ARHGAP31: variants seen among roughly 807,000 people sequenced by gnomAD.
ARHGAP31 encodes rho GTPase-activating protein 31.
In ARHGAP31, 34 loss-of-function variants were observed where a neutral mutation model predicts 113.9. The ratio of observed to expected loss-of-function variants is 0.30; its 90% CI spans 0.23 to 0.40. The LOEUF is 0.40. Among genes scored for constraint, ARHGAP31 ranks in the 10% least tolerant of loss-of-function variants. ARHGAP31 has a pLI of 1.00. For missense variants in ARHGAP31, 1,548 were observed against 1,767.1 expected (o/e 0.88, Z 2.22); for synonymous variants, 650 against 684.8 (o/e 0.95, Z 0.79).
intron 7 of ARHGAP31, 108 bp downstream of exon 7, chr3:119,391,091 C>T (rs527324393): frequency 2.2e-5 from 28 of 1,261,008 alleles, no homozygotes; most frequent in Non-Finnish European, 2.7e-5. Flanking sequence ...TTGGAGGTAC[C>T]GTCTGGGTTG....
intron 1 of ARHGAP31, among the ~76,000 whole-genome samples, chr3:119,338,103 TA>T (rs1272774336): frequency 6.6e-6 from 1 of 152,252 alleles, no homozygotes; most frequent in African/African-American, 2.4e-5. Context: ...AGTATATTAG[TA>T]CACTTTTATT....
intron 1 of ARHGAP31, among the ~76,000 whole-genome samples, chr3:119,309,509 C>T (rs1450467856): frequency 2.0e-5 from 3 of 151,936 alleles, no homozygotes; most frequent in African/African-American, 4.8e-5. Context: ...AATTCCAGCA[C>T]TTTGGGAGGT....
At chr3:119,382,056 G>A (rs893259771) in intron 4 of ARHGAP31, among the ~76,000 whole-genome samples, 3 of 150,586 alleles carry the variant, frequency 2.0e-5, no homozygotes, top group African/African-American at 7.3e-5. Context: ...GTCTCTGACT[G>A]GTGCTCCAGG....
At chr3:119,411,467 C>T (rs2080716084) in intron 11 of ARHGAP31, among the ~76,000 whole-genome samples, 1 of 152,156 alleles carries the variant, frequency 6.6e-6, no homozygotes, top group Admixed American at 6.5e-5. Context: ...ACGTCAAAGG[C>T]ACCTCATAGG....
At chr3:119,328,709 T>C (rs144935639) in intron 1 of ARHGAP31, among the ~76,000 whole-genome samples, 8,769 of 152,098 alleles carry the variant, frequency 0.058, 278 homozygotes, top group Middle Eastern at 0.071. Flanking sequence ...GGCGCGATCT[T>C]GGCTCACTGC....
At chr3:119,333,229 G>C (rs75277852) in intron 1 of ARHGAP31, among the ~76,000 whole-genome samples, 2,633 of 152,184 alleles carry the variant, frequency 0.017, 33 homozygotes, top group East Asian at 0.058. Context: ...CTTCAAAAAG[G>C]GACTCTGAAT....
At chr3:119,370,117 A>G (rs557916652) in intron 3 of ARHGAP31, among the ~76,000 whole-genome samples, 3 of 152,292 alleles carry the variant, frequency 2.0e-5, no homozygotes, top group South Asian at 2.1e-4. Flanking sequence ...GAAGCCTCCT[A>G]TCTGCATGGG....
chr3:119,382,256 A>T, intron 4 of ARHGAP31, 36 bp from the exon 5 acceptor site: 2 of 1,587,538 alleles, frequency 1.3e-6, no homozygotes, highest in South Asian at 2.2e-5. Context: ...ACGGGCACTG[A>T]AGTTTCTTAC....
At chr3:119,316,163 C>G (rs1309619363) in intron 1 of ARHGAP31, among the ~76,000 whole-genome samples, 1 of 152,208 alleles carries the variant, frequency 6.6e-6, no homozygotes, top group Non-Finnish European at 1.5e-5. Flanking sequence ...TTCTCTTCAT[C>G]TTTCTGAGCC....
At chr3:119,301,253 T>TG (rs1203914042) in intron 1 of ARHGAP31, among the ~76,000 whole-genome samples, 1 of 152,206 alleles carries the variant, frequency 6.6e-6, no homozygotes, top group African/African-American at 2.4e-5. Flanking sequence ...GCCATCCAGA[T>TG]GCCTTCCAGC....
At chr3:119,340,773 C>T (rs796245342) in intron 1 of ARHGAP31, among the ~76,000 whole-genome samples, 13 of 152,188 alleles carry the variant, frequency 8.5e-5, no homozygotes, top group Non-Finnish European at 1.6e-4. Context: ...AGTCTCTTTC[C>T]GGAGTGATTT....
At chr3:119,374,100 G>A (rs1019420624) in intron 3 of ARHGAP31, among the ~76,000 whole-genome samples, 2 of 152,160 alleles carry the variant, frequency 1.3e-5, no homozygotes, top group Admixed American at 1.3e-4. Context: ...CATATGATAT[G>A]GTTTGGAGGC....
At chr3:119,389,486 C>G (rs2080484952) in intron 6 of ARHGAP31, among the ~76,000 whole-genome samples, 1 of 152,122 alleles carries the variant, frequency 6.6e-6, no homozygotes, top group South Asian at 2.1e-4. Context: ...GGTCAAAAGA[C>G]TGTGTTAAAG....
intron 3 of ARHGAP31, among the ~76,000 whole-genome samples, chr3:119,376,618 C>CCT (rs143975735): frequency 0.013 from 1,997 of 152,170 alleles, 52 homozygotes; most frequent in African/African-American, 0.047. Flanking sequence ...TTCATCTTTG[C>CCT]CTCTGTTCAA....
intron 1 of ARHGAP31, among the ~76,000 whole-genome samples, chr3:119,360,991 C>A (rs113801309): frequency 0.024 from 3,581 of 152,292 alleles, 60 homozygotes; most frequent in South Asian, 0.054. Flanking sequence ...ATGCCTAAAT[C>A]GACAATAGAA....
At chr3:119,407,980 A>G (rs2080680343) in intron 10 of ARHGAP31, among the ~76,000 whole-genome samples, 1 of 152,248 alleles carries the variant, frequency 6.6e-6, no homozygotes, top group African/African-American at 2.4e-5. Context: ...CTTAAACAAT[A>G]CAGTATAACA....
chr3:119,385,681 A>G (rs1204188520), intron 6 of ARHGAP31, among the ~76,000 whole-genome samples: 1 of 152,236 alleles, frequency 6.6e-6, no homozygotes, highest in East Asian at 1.9e-4. Flanking sequence ...TTATTACAGC[A>G]AACATGATAA....
At chr3:119,336,479 GT>G (rs1156615939) in intron 1 of ARHGAP31, among the ~76,000 whole-genome samples, 3 of 152,230 alleles carry the variant, frequency 2.0e-5, no homozygotes, top group African/African-American at 7.2e-5. Flanking sequence ...AAGGGGATGT[GT>G]CGTCAGCAGA....
chr3:119,334,272 T>A (rs2079922247), intron 1 of ARHGAP31, among the ~76,000 whole-genome samples: 1 of 152,194 alleles, frequency 6.6e-6, no homozygotes, highest in Non-Finnish European at 1.5e-5. Flanking sequence ...CCTTTTGGCC[T>A]GGCTCCTTGG....
Sources: allele counts gnomAD v4.1 joint callset (sites outside exome capture counted in the v4.1 genomes callset), GRCh38; gene constraint gnomAD v4.1.1; transcripts MANE v1.5; gene names NCBI Gene and HGNC (gene_info 2026-07-23, HGNC 2026-07-21).